TPO: variants seen among roughly 807,000 people sequenced by gnomAD.
The protein encoded by TPO is thyroid peroxidase.
A neutral mutation model predicts 96.9 loss-of-function variants in TPO; 78 were observed. The observed-to-expected ratio is 0.81, with a 90% CI of 0.67 to 0.97. TPO has a LOEUF of 0.97. Among genes scored for constraint, TPO ranks in the 50% least tolerant of loss-of-function variants. TPO has a pLI of 0.00. For synonymous variants in TPO, 547 were observed against 538.0 expected (o/e 1.02, Z -0.23); for missense variants, 1,252 against 1,274.8 (o/e 0.98, Z 0.27).
intron 14 of TPO, among the ~76,000 whole-genome samples, chr2:1,509,744 G>C (rs72490796): frequency 0.59 from 83,612 of 141,524 alleles, 24,934 homozygotes; most frequent in African/African-American, 0.68. Flanking sequence ...CTTGTTTCAG[G>C]GACACCCCAC....
chr2:1,524,365 G>C (rs1464388125), intron 15 of TPO, among the ~76,000 whole-genome samples: 4 of 107,210 alleles, frequency 3.7e-5, no homozygotes, highest in Admixed American at 1.1e-4. Flanking sequence ...CCTCCACTCT[G>C]TTCAACCTCC....
chr2:1,490,383 G>A (rs111329690), intron 10 of TPO, among the ~76,000 whole-genome samples: 2 of 49,668 alleles, frequency 4.0e-5, no homozygotes, highest in South Asian at 1.4e-3. Flanking sequence ...CCCACACAGG[G>A]GGAGTCACGA....
intron 14 of TPO, among the ~76,000 whole-genome samples, chr2:1,504,553 T>C (rs1673213328): frequency 6.6e-6 from 1 of 152,190 alleles, no homozygotes; most frequent in Non-Finnish European, 1.5e-5. Flanking sequence ...GCCTGGGTGC[T>C]CAACATCTGC....
At chr2:1,476,197 G>A (rs572463638) in intron 7 of TPO, among the ~76,000 whole-genome samples, 13 of 152,276 alleles carry the variant, frequency 8.5e-5, no homozygotes, top group African/African-American at 2.6e-4. Context: ...TGATCTTCAG[G>A]AAGAGTCTCT....
At chr2:1,431,524 C>T (rs4927606) in intron 3 of TPO, among the ~76,000 whole-genome samples, 37,513 of 151,984 alleles carry the variant, frequency 0.25, 4,965 homozygotes, top group South Asian at 0.4. Context: ...TATGTATTTC[C>T]GATGTGCAAA....
chr2:1,537,475 T>TCCC (rs1558441400), intron 15 of TPO, among the ~76,000 whole-genome samples: 2 of 93,768 alleles, frequency 2.1e-5, no homozygotes, highest in Non-Finnish European at 4.3e-5. Context: ...CCTCCTCAAA[T>TCCC]TCTTCCACTC....
chr2:1,542,442 C>G lies in TPO; in HGVS notation c.2770C>G (p.Arg924Gly), dbSNP rs764321486. 3 of 1,614,140 alleles carry G rather than the reference C, an allele frequency of 1.9e-6. No individual in the cohort carries two copies. Among genetic ancestry groups the G allele is most frequent in the Non-Finnish European group, 2.5e-6 (3 of 1,180,032 alleles). The change falls in exon 17 of 17, where the codon CGG becomes GGG. Residue 924 changes from arginine to glycine, a missense_variant. By Grantham distance (125) the Arg-to-Gly change is moderately radical. Transcript: ENST00000329066. Reference protein sequence around the residue: ...SEQESAGMEGRDTHRLPRAL With the variant: ...SEQESAGMEGGDTHRLPRAL ...GCAGGAGAGTGCTGGGATGGAAGGC[C>G]GGGATACTCACAGGCTGCCGAGAGC...
intron 6 of TPO, among the ~76,000 whole-genome samples, chr2:1,454,025 T>C (rs1485113484): frequency 1.3e-5 from 2 of 152,160 alleles, no homozygotes; most frequent in East Asian, 1.9e-4. Flanking sequence ...TGAAATCTCT[T>C]AGTGAGTGGA....
intron 1 of TPO, among the ~76,000 whole-genome samples, chr2:1,384,502 G>A (rs568901758): frequency 6.6e-6 from 1 of 152,226 alleles, no homozygotes; most frequent in Admixed American, 6.5e-5. Context: ...TCATGATTTG[G>A]CTCTTTGTTT....
At chr2:1,525,946 C>G (rs1251622465) in intron 15 of TPO, among the ~76,000 whole-genome samples, 1 of 142,924 alleles carries the variant, frequency 7.0e-6, no homozygotes, top group Non-Finnish European at 1.5e-5. Context: ...CTCATATCCC[C>G]CGACTGTTTA....
At chr2:1,513,190 C>T (rs1674339931) in intron 14 of TPO, among the ~76,000 whole-genome samples, 1 of 152,210 alleles carries the variant, frequency 6.6e-6, no homozygotes, top group African/African-American at 2.4e-5. Flanking sequence ...CCTCAGTTTT[C>T]AGAATGACAG....
chr2:1,411,767 T>A (rs1662364850), upstream of TPO, among the ~76,000 whole-genome samples: 1 of 152,130 alleles, frequency 6.6e-6, no homozygotes. Flanking sequence ...GTTTCCATCA[T>A]CACTTCCCCC....
intron 14 of TPO, among the ~76,000 whole-genome samples, chr2:1,504,825 C>G (rs1673239930): frequency 6.6e-6 from 1 of 152,140 alleles, no homozygotes; most frequent in Admixed American, 6.5e-5. Flanking sequence ...AGTCTGGCTT[C>G]CAGCTCTTAT....
At chr2:1,390,311 T>C (rs893637320) in intron 1 of TPO, among the ~76,000 whole-genome samples, 23 of 152,320 alleles carry the variant, frequency 1.5e-4, no homozygotes, top group Non-Finnish European at 2.5e-4. Context: ...AATGATGGTT[T>C]CGAGCTTCAT....
Position 1,437,470 on chromosome 2 carries a change from C to T in TPO, c.482+1086C>T, listed in dbSNP as rs572432866. Among the ~76,000 whole-genome samples, 15 of 151,958 alleles carry T rather than the reference C, an allele frequency of 9.9e-5. No individual in the cohort carries two copies. The East Asian group carries it at 1.8e-3, about 18-fold the overall frequency. On this transcript the variant is annotated intron_variant, in intron 5 of 16. Coordinates refer to ENST00000329066, the MANE Select transcript of TPO (RefSeq NM_001206744.2). ...ATGCCCCCCCCGAGAGAGGGATCAG[C>T]GGGACCCAGGCAGAGCCCTGGCTTG...
At chr2:1,492,351 C>T (rs1235508175) in intron 10 of TPO, among the ~76,000 whole-genome samples, 1 of 152,124 alleles carries the variant, frequency 6.6e-6, no homozygotes, top group African/African-American at 2.4e-5. Context: ...GATGGAGTTT[C>T]ACCATGTTGG....
intron 7 of TPO, among the ~76,000 whole-genome samples, chr2:1,467,650 A>G (rs1669026545): frequency 1.3e-5 from 2 of 152,084 alleles, no homozygotes; most frequent in Admixed American, 6.6e-5. Context: ...GTTGAATAGA[A>G]TGTGTATTCT....
intron 14 of TPO, among the ~76,000 whole-genome samples, chr2:1,514,381 C>A (rs1355140794): frequency 1.3e-5 from 2 of 152,178 alleles, no homozygotes; most frequent in Non-Finnish European, 2.9e-5. Flanking sequence ...TCCAGTCAAG[C>A]GGACACATAA....
Position 1,429,765 on chromosome 2 carries a change from C to T in TPO, c.180-3673C>T, listed in dbSNP as rs182418782. Among the ~76,000 whole-genome samples the T allele has an allele frequency of 3.9e-5, 6 of 152,242 alleles. No homozygotes were observed. The East Asian group carries it at 5.8e-4, about 15-fold the overall frequency. On this transcript the variant is annotated intron_variant, in intron 3 of 16. Transcript: ENST00000329066. The stretch of plus-strand genomic sequence containing the variant: ...GGGCATCTATGGAAATTTGAACTTA[C>T]GAGTGATGACTTGGAGTATCTGGCA...
Sources: allele counts gnomAD v4.1 joint callset (sites outside exome capture counted in the v4.1 genomes callset), GRCh38; gene constraint gnomAD v4.1.1; transcripts MANE v1.5; gene names NCBI Gene and HGNC (gene_info 2026-07-23, HGNC 2026-07-21).